Variants in PSMG2 observed in about 807,000 individuals in gnomAD.
PSMG2 encodes the protein proteasome assembly chaperone 2.
A neutral mutation model predicts 31.5 loss-of-function variants in PSMG2; 21 were observed. The observed-to-expected ratio is 0.67, with a 90% confidence interval of 0.47 to 0.96. PSMG2 has a LOEUF of 0.96. Among genes scored for constraint, PSMG2 ranks in the 40% least tolerant of loss-of-function variants. PSMG2 has a pLI of 0.00. For synonymous variants in PSMG2, 120 were observed against 110.4 expected (o/e 1.09, Z -0.54); for missense variants, 318 against 321.2 (o/e 0.99, Z 0.08).
chr18:12,704,293 C>T lies in PSMG2; in HGVS notation c.57+1129C>T, dbSNP rs189901741. 3.9e-5 allele frequency among the ~76,000 whole-genome samples: 6 copies of T among 152,116 alleles called. No homozygotes were observed. The East Asian group carries it at 7.7e-4, about 20-fold the overall frequency. ...TTGGGTTGTATAATATATATTCAGT[C>T]ATTAATTCAGAGACAGGCATGATGG... On this transcript the variant is annotated intron_variant, in intron 1 of 6. Transcript: ENST00000317615.
intron 1 of PSMG2, chr18:12,662,043 T>C: frequency 3.2e-6 from 1 of 315,172 alleles, no homozygotes; most frequent in Non-Finnish European, 6.5e-6. Flanking sequence ...AGAATAAGTG[T>C]ACTTCATGCT....
chr18:12,699,192 G>T, upstream of PSMG2: 1 of 1,610,952 alleles, frequency 6.2e-7, no homozygotes, highest in Non-Finnish European at 8.5e-7. Flanking sequence ...CTCCGTGTTG[G>T]ATCAATATTA....
At chr18:12,687,684 C>A (rs1433848584) in intron 1 of PSMG2, among the ~76,000 whole-genome samples, 1 of 151,578 alleles carries the variant, frequency 6.6e-6, no homozygotes, top group African/African-American at 2.4e-5. Context: ...AACTCCTGAC[C>A]TCAAGTGATC....
intron 5 of PSMG2, among the ~76,000 whole-genome samples, chr18:12,723,144 C>T (rs1172950875): frequency 1.3e-5 from 2 of 152,182 alleles, no homozygotes; most frequent in Non-Finnish European, 1.5e-5. Context: ...AGAGTCTCCT[C>T]GGTGCCTTTC....
intron 1 of PSMG2, chr18:12,695,452 A>G (rs975237014): frequency 2.0e-6 from 1 of 489,806 alleles, no homozygotes; most frequent in African/African-American, 2.0e-5. Flanking sequence ...GTGTTTTATC[A>G]CTTACATGGA....
chr18:12,718,755 AAG>A (rs1226314378), intron 4 of PSMG2, 120 bp downstream of exon 4: 31 of 632,290 alleles, frequency 4.9e-5, no homozygotes, highest in African/African-American at 3.1e-4. Context: ...GGAGTTTAGA[AAG>A]AGGGGGGTAA....
At chr18:12,699,701 C>G (rs979180656), upstream of PSMG2, 1 of 580,254 alleles carries the variant, frequency 1.7e-6, no homozygotes, top group African/African-American at 1.9e-5. Context: ...CTGTTTTAGC[C>G]AACCATAAAA....
At chr18:12,711,614 A>T (rs897185693) in intron 2 of PSMG2, among the ~76,000 whole-genome samples, 2 of 152,150 alleles carry the variant, frequency 1.3e-5, no homozygotes, top group African/African-American at 4.8e-5. Flanking sequence ...AAGACCTGTA[A>T]CAGTAGAGAC....
At chr18:12,683,549 G>A (rs537391483) in intron 1 of PSMG2, among the ~76,000 whole-genome samples, 9 of 152,004 alleles carry the variant, frequency 5.9e-5, no homozygotes, top group East Asian at 1.9e-4. Context: ...TCAGGAGTTC[G>A]AGACCAGCCT....
intron 1 of PSMG2, chr18:12,665,065 G>C (rs549518673): frequency 3.1e-4 from 47 of 152,130 alleles, no homozygotes; most frequent in African/African-American, 1.1e-3. Context: ...TGATGTACAG[G>C]TAGAGGTCTA....
intron 1 of PSMG2, among the ~76,000 whole-genome samples, chr18:12,681,448 C>T (rs1317041915): frequency 6.6e-6 from 1 of 151,838 alleles, no homozygotes; most frequent in East Asian, 1.9e-4. Flanking sequence ...AGGGGTCTTA[C>T]TGTGTTACCC....
In PSMG2 at chr18:12,706,826, C is replaced by T; in HGVS notation, c.229+105C>T. ...TTTTGTAGCAAATGTTTACTTAGTG[C>T]CAACTTTGTGTAGAGTTCACAACCC... is the stretch of plus-strand genomic sequence containing the variant. On this transcript the variant is annotated intron_variant, in intron 2 of 6. Coordinates refer to ENST00000317615, the MANE Select transcript of PSMG2 (RefSeq NM_020232.5). The T allele has an allele frequency of 3.3e-6, 4 of 1,216,464 alleles. No individual in the cohort carries two copies. The South Asian group carries it at 4.8e-5, about 15-fold the overall frequency. 75.4% of individuals were successfully genotyped at this position (1,216,464 alleles called of 1,614,324 possible). A position where few individuals can be genotyped will look rare whatever the true frequency, so the allele number is the denominator to read the frequency against.
intron 2 of PSMG2, among the ~76,000 whole-genome samples, chr18:12,708,866 C>T (rs954015812): frequency 4.0e-5 from 6 of 149,070 alleles, no homozygotes; most frequent in African/African-American, 9.9e-5. Flanking sequence ...CCACCACACC[C>T]GACTACTTTT....
chr18:12,659,656 C>T (rs1007033979), intron 1 of PSMG2, among the ~76,000 whole-genome samples: 2 of 151,794 alleles, frequency 1.3e-5, no homozygotes, highest in Admixed American at 6.6e-5. Flanking sequence ...GGGGACAGAG[C>T]GAGAGTCTGT....
chr18:12,683,312 A>G (rs1325395843), intron 1 of PSMG2, among the ~76,000 whole-genome samples: 1 of 151,596 alleles, frequency 6.6e-6, no homozygotes, highest in Non-Finnish European at 1.5e-5. Flanking sequence ...AGATCGTGAC[A>G]CTGCACTCCA....
chr18:12,715,322 T>C (rs1387045086), intron 3 of PSMG2, among the ~76,000 whole-genome samples: 4 of 152,136 alleles, frequency 2.6e-5, no homozygotes, highest in East Asian at 1.9e-4. Context: ...AGTAAGCTTC[T>C]GAAAGGAATG....
At chr18:12,688,535 ATAG>A (rs1568023308) in intron 1 of PSMG2, among the ~76,000 whole-genome samples, 1 of 152,194 alleles carries the variant, frequency 6.6e-6, no homozygotes, top group Non-Finnish European at 1.5e-5. Context: ...TCAATCATCA[ATAG>A]TAGCATCTTA....
At chr18:12,659,267 AAC>A (rs33929331) in intron 1 of PSMG2, among the ~76,000 whole-genome samples, 56,847 of 151,922 alleles carry the variant, frequency 0.37, 10,882 homozygotes, top group Non-Finnish European at 0.43. Flanking sequence ...TAGAAACTAC[AAC>A]AGTCTATTTA....
chr18:12,692,613 G>C (rs1276340682), intron 1 of PSMG2, among the ~76,000 whole-genome samples: 3 of 152,114 alleles, frequency 2.0e-5, no homozygotes, highest in Non-Finnish European at 4.4e-5. Flanking sequence ...AATAACCACT[G>C]TATCATATCA....
Sources: allele counts gnomAD v4.1 joint callset (sites outside exome capture counted in the v4.1 genomes callset), GRCh38; gene constraint gnomAD v4.1.1; transcripts MANE v1.5; gene names NCBI Gene and HGNC (gene_info 2026-07-23, HGNC 2026-07-21).